Variants in SOX5 observed in about 807,000 individuals in gnomAD.
SOX5 encodes SRY-box transcription factor 5.
In SOX5, 9 loss-of-function variants were observed where a neutral mutation model predicts 92.0. That is an observed-to-expected ratio of 0.10 (90% confidence interval 0.06 to 0.17). SOX5 has a LOEUF of 0.17. SOX5 is among the 10% of genes least tolerant of loss of function. SOX5 has a pLI of 1.00. For missense variants in SOX5, 642 were observed against 944.5 expected (o/e 0.68, Z 4.20); for synonymous variants, 344 against 336.3 (o/e 1.02, Z -0.25).
chr12:23,619,516 C>T (rs755466933), intron 8 of SOX5, among the ~76,000 whole-genome samples: 11 of 152,084 alleles, frequency 7.2e-5, no homozygotes, highest in Non-Finnish European at 1.0e-4. Context: ...TAACTCTTAG[C>T]CTATGTCTTA....
chr12:24,252,716 C>T (rs1228585471), intron 3 of SOX5, among the ~76,000 whole-genome samples: 1 of 151,238 alleles, frequency 6.6e-6, no homozygotes, highest in Non-Finnish European at 1.5e-5. Flanking sequence ...AGAGGGTTGA[C>T]CATAACCCGA....
At chr12:24,073,865 A>T (rs1189082439) in intron 4 of SOX5, among the ~76,000 whole-genome samples, 1 of 152,226 alleles carries the variant, frequency 6.6e-6, no homozygotes, top group African/African-American at 2.4e-5. Context: ...TAGACAATAA[A>T]TTTTATTTAT....
chr12:24,149,218 A>C (rs1286687215), intron 4 of SOX5, among the ~76,000 whole-genome samples: 2 of 152,172 alleles, frequency 1.3e-5, no homozygotes, highest in Non-Finnish European at 2.9e-5. Flanking sequence ...AGAAAAAATA[A>C]GTTGATTTCA....
At chr12:24,171,179 A>T (rs1441074137) in intron 4 of SOX5, among the ~76,000 whole-genome samples, 32 of 33,460 alleles carry the variant, frequency 9.6e-4, no homozygotes, top group African/African-American at 1.8e-3. Flanking sequence ...TAGTGATTTT[A>T]GTTTTTTCTT....
upstream of SOX5, chr12:23,951,007 A>T: frequency 1.4e-6 from 1 of 705,498 alleles, no homozygotes; most frequent in Non-Finnish European, 2.4e-6. Context: ...ACACACACTC[A>T]CTCACGCACG....
At chr12:23,839,324 A>G (rs541628554) in intron 3 of SOX5, among the ~76,000 whole-genome samples, 22 of 152,270 alleles carry the variant, frequency 1.4e-4, no homozygotes, top group African/African-American at 5.3e-4. Context: ...CCAAGGCCAT[A>G]TACCATATTT....
intron 7 of SOX5, among the ~76,000 whole-genome samples, chr12:23,646,409 C>A (rs957757388): frequency 4.7e-4 from 71 of 152,272 alleles, no homozygotes; most frequent in African/African-American, 1.7e-3. Flanking sequence ...TCAAGCAATC[C>A]ACCTGCCTTG....
At chr12:24,376,819 A>C (rs1174804558) in intron 1 of SOX5, among the ~76,000 whole-genome samples, 1 of 137,740 alleles carries the variant, frequency 7.3e-6, no homozygotes, top group Non-Finnish European at 1.5e-5. Context: ...TGATCCTCCC[A>C]CCTCAGCCTC....
chr12:24,323,060 A>G (rs889539087), intron 2 of SOX5, among the ~76,000 whole-genome samples: 3 of 152,038 alleles, frequency 2.0e-5, no homozygotes, highest in African/African-American at 7.2e-5. Context: ...CTGGTCCAGC[A>G]GCATCAGTAT....
intron 2 of SOX5, among the ~76,000 whole-genome samples, chr12:24,280,195 T>C (rs1174097121): frequency 6.6e-6 from 1 of 152,200 alleles, no homozygotes; most frequent in Non-Finnish European, 1.5e-5. Flanking sequence ...AGTAAAAGGT[T>C]ACTCAGTCAC....
At chr12:24,420,926 C>T (rs1230127072) in intron 1 of SOX5, among the ~76,000 whole-genome samples, 1 of 152,098 alleles carries the variant, frequency 6.6e-6, no homozygotes, top group African/African-American at 2.4e-5. Flanking sequence ...CATGAGTATG[C>T]CACCAACAAA....
chr12:23,945,083 A>C (rs193251704), intron 1 of SOX5, among the ~76,000 whole-genome samples: 48 of 152,288 alleles, frequency 3.2e-4, no homozygotes, highest in Non-Finnish European at 6.5e-4. Flanking sequence ...TAGGTTGCTG[A>C]ACAATTGATA....
At chr12:24,231,598 T>C (rs1963416630) in intron 3 of SOX5, among the ~76,000 whole-genome samples, 2 of 152,212 alleles carry the variant, frequency 1.3e-5, no homozygotes, top group South Asian at 2.1e-4. Flanking sequence ...ACTTATCTAA[T>C]GTCTCTACAC....
chr12:24,345,909 G>A (rs1344773957), intron 2 of SOX5, among the ~76,000 whole-genome samples: 2 of 152,242 alleles, frequency 1.3e-5, no homozygotes, highest in South Asian at 4.1e-4. Context: ...TTATTCTGTT[G>A]CTCTCTAGGT....
At chr12:24,249,363 T>G (rs1939564062) in intron 3 of SOX5, among the ~76,000 whole-genome samples, 1 of 152,210 alleles carries the variant, frequency 6.6e-6, no homozygotes, top group Non-Finnish European at 1.5e-5. Context: ...GCAGGATTTA[T>G]CTATCTAGAG....
rs779614839 is a variant in SOX5, at chr12:23,534,452, G to T, written c.2059C>A (p.Pro687Thr). The T allele has an allele frequency of 5.0e-6, 8 of 1,613,858 alleles. No individual in the cohort carries two copies. The South Asian group carries it at 8.8e-5, about 18-fold the overall frequency. ...TGCTCCGAGGGCAGGTGAGGGGAGGGCATCCCAGCCATGGCGATGGCTCCA... is the reference window on the plus strand; with the variant it reads ...TGCTCCGAGGGCAGGTGAGGGGAGGTCATCCCAGCCATGGCGATGGCTCCA... Reference protein sequence around the residue: ...YPGAIAMAGMPSPHLPSEHSS... With the variant: ...YPGAIAMAGMTSPHLPSEHSS... The change falls in exon 15 of 15, where the codon CCC becomes ACC. Residue 687 changes from proline to threonine, a missense_variant. Pro to Thr is a conservative substitution (Grantham distance 38). This residue lies in a region of SOX5 where 130 missense variants were observed against 140.6 expected (regional missense o/e 0.92). Coordinates refer to ENST00000451604, the MANE Select transcript of SOX5 (RefSeq NM_006940.6).
At chr12:24,354,733 G>A (rs545642751) in intron 2 of SOX5, among the ~76,000 whole-genome samples, 17 of 152,324 alleles carry the variant, frequency 1.1e-4, no homozygotes, top group Non-Finnish European at 1.6e-4. Context: ...ACAACAGGAT[G>A]TCTGGTCGTA....
intron 1 of SOX5, among the ~76,000 whole-genome samples, chr12:24,505,858 T>C (rs11047481): frequency 5.6e-5 from 4 of 71,126 alleles, no homozygotes; most frequent in South Asian, 4.7e-4. Flanking sequence ...TGTGTGCGTG[T>C]GTGTGTGTGT....
intron 4 of SOX5, among the ~76,000 whole-genome samples, chr12:24,014,203 G>T (rs1224818016): frequency 6.6e-6 from 1 of 152,140 alleles, no homozygotes; most frequent in Non-Finnish European, 1.5e-5. Context: ...TTTAATCAAT[G>T]CACTCTATGA....
Sources: gnomAD v4.1 joint callset for allele counts (sites outside exome capture counted in the v4.1 genomes callset) on GRCh38, gnomAD v4.1.1 for gene constraint, gnomAD v4.1.1 regional missense constraint, MANE v1.5 for transcripts, NCBI Gene and HGNC (gene_info 2026-07-23, HGNC 2026-07-21) for gene names.